ST6GALNAC5: variants seen among roughly 807,000 people sequenced by gnomAD.
ST6GALNAC5 encodes alpha-N-acetylgalactosaminide alpha-2,6-sialyltransferase 5.
Under a neutral mutation model 33.6 loss-of-function variants are expected in ST6GALNAC5, and 27 were observed. The ratio of observed to expected loss-of-function variants is 0.80; its 90% CI spans 0.59 to 1.11. The LOEUF is 1.11. Ranked by LOEUF, ST6GALNAC5 falls within the 50% of genes least tolerant of loss-of-function variation. The pLI is 0.00. For synonymous variants in ST6GALNAC5, 194 were observed against 171.2 expected (o/e 1.13, Z -1.04); for missense variants, 428 against 454.0 (o/e 0.94, Z 0.52).
chr1:76,994,594 C>T, intron 2 of ST6GALNAC5, among the ~76,000 whole-genome samples: 1 of 152,170 alleles, frequency 6.6e-6, no homozygotes, highest in South Asian at 2.1e-4. Flanking sequence ...ACACTTAAAA[C>T]CTCAATTTTG....
intron 2 of ST6GALNAC5, among the ~76,000 whole-genome samples, chr1:77,015,332 A>G (rs1014043503): frequency 6.6e-6 from 1 of 152,162 alleles, no homozygotes; most frequent in Admixed American, 6.5e-5. Context: ...TGTCCTGTTC[A>G]GGCCCTCAAT....
chr1:76,925,271 C>T (rs975742539), intron 2 of ST6GALNAC5, among the ~76,000 whole-genome samples: 1 of 152,046 alleles, frequency 6.6e-6, no homozygotes, highest in African/African-American at 2.4e-5. Context: ...CTGGAGGTCA[C>T]ATTTCAACAT....
In ST6GALNAC5 at chr1:77,063,162, GA is replaced by G. The variant is rs1218194591; in HGVS notation, c.969del (p.Glu323AspfsTer5). 6.2e-7 allele frequency: 1 copy of G among 1,613,630 alleles called. No homozygotes were observed. Among genetic ancestry groups the G allele is most frequent in the African/African-American group, 1.3e-5 (1 of 74,828 alleles). The stretch of plus-strand genomic sequence containing the variant: ...CTTTTTTCAACCAGACTGGAAACCA[GA>G]ATCACTTGCTATAAATCATCCTGAG... ...IHFFQPDWKP[E>X]SLAINHPENK... is the part of the protein sequence containing the mutation. On this transcript the variant is annotated frameshift_variant, in exon 5 of 5. Coordinates refer to ENST00000477717, the MANE Select transcript of ST6GALNAC5 (RefSeq NM_030965.3). LOFTEE classifies it high-confidence loss of function.
intron 2 of ST6GALNAC5, among the ~76,000 whole-genome samples, chr1:76,886,273 C>G (rs1653892741): frequency 6.6e-6 from 1 of 152,156 alleles, no homozygotes; most frequent in Non-Finnish European, 1.5e-5. Context: ...TTTAACCCAA[C>G]TTACTGAATT....
intron 2 of ST6GALNAC5, among the ~76,000 whole-genome samples, chr1:76,888,827 G>C (rs1283316068): frequency 6.6e-6 from 1 of 152,072 alleles, no homozygotes; most frequent in Non-Finnish European, 1.5e-5. Context: ...TGTACAGCAT[G>C]ATGTTTTGGT....
intron 2 of ST6GALNAC5, among the ~76,000 whole-genome samples, chr1:76,942,868 G>T (rs536341539): frequency 6.6e-6 from 1 of 151,998 alleles, no homozygotes; most frequent in Non-Finnish European, 1.5e-5. Flanking sequence ...AACTTGACTC[G>T]ACATCCACAG....
At chr1:76,943,826 T>G (rs1353471038) in intron 2 of ST6GALNAC5, among the ~76,000 whole-genome samples, 1 of 152,148 alleles carries the variant, frequency 6.6e-6, no homozygotes, top group Non-Finnish European at 1.5e-5. Context: ...TTCATACATC[T>G]AATTCATGGA....
At chr1:76,967,043 C>G (rs1224050406) in intron 2 of ST6GALNAC5, among the ~76,000 whole-genome samples, 1 of 152,020 alleles carries the variant, frequency 6.6e-6, no homozygotes, top group Non-Finnish European at 1.5e-5. Context: ...ATCAGCGATA[C>G]TGGTCTAAAA....
chr1:76,882,100 C>T (rs1653794559), intron 2 of ST6GALNAC5, among the ~76,000 whole-genome samples: 1 of 152,136 alleles, frequency 6.6e-6, no homozygotes, highest in African/African-American at 2.4e-5. Flanking sequence ...ATTTAAACAT[C>T]TTATTATTCT....
intron 2 of ST6GALNAC5, among the ~76,000 whole-genome samples, chr1:76,925,242 G>A (rs1244144677): frequency 6.6e-6 from 1 of 152,032 alleles, no homozygotes; most frequent in Non-Finnish European, 1.5e-5. Context: ...ATGCCTCCCA[G>A]CAGGCCTCAC....
At chr1:76,976,870 A>G (rs1057338952) in intron 2 of ST6GALNAC5, among the ~76,000 whole-genome samples, 2 of 151,996 alleles carry the variant, frequency 1.3e-5, no homozygotes, top group African/African-American at 4.8e-5. Context: ...TTATAAATTT[A>G]TCTGATGATT....
chr1:76,952,804 T>A (rs1647804609), intron 2 of ST6GALNAC5, among the ~76,000 whole-genome samples: 1 of 152,096 alleles, frequency 6.6e-6, no homozygotes, highest in Non-Finnish European at 1.5e-5. Flanking sequence ...CCCCCTCGCC[T>A]GCCCCATCAC....
At chr1:77,013,080 T>C (rs1044927673) in intron 2 of ST6GALNAC5, among the ~76,000 whole-genome samples, 2 of 152,150 alleles carry the variant, frequency 1.3e-5, no homozygotes, top group Non-Finnish European at 2.9e-5. Flanking sequence ...GAGCAGTGTG[T>C]GCACAAGAGG....
intron 2 of ST6GALNAC5, among the ~76,000 whole-genome samples, chr1:76,871,672 C>T (rs898447846): frequency 4.6e-5 from 7 of 152,160 alleles, no homozygotes; most frequent in South Asian, 2.1e-4. Context: ...CAGTGATGAG[C>T]GGCATGTGTT....
chr1:76,968,357 G>C (rs1436384905), intron 2 of ST6GALNAC5, among the ~76,000 whole-genome samples: 1 of 152,052 alleles, frequency 6.6e-6, no homozygotes, highest in Non-Finnish European at 1.5e-5. Context: ...TGTCTCTTTT[G>C]ATCTTTGTTG....
At chr1:76,895,129 T>C (rs1045665658) in intron 2 of ST6GALNAC5, among the ~76,000 whole-genome samples, 1 of 152,122 alleles carries the variant, frequency 6.6e-6, no homozygotes, top group Admixed American at 6.5e-5. Flanking sequence ...TGTGGTGGAA[T>C]GTCATCAGTT....
At chr1:76,923,943 T>C (rs988391157) in intron 2 of ST6GALNAC5, among the ~76,000 whole-genome samples, 1 of 152,134 alleles carries the variant, frequency 6.6e-6, no homozygotes, top group African/African-American at 2.4e-5. Flanking sequence ...GCATGCACTT[T>C]CCTGAGCTTT....
At chr1:76,884,694 T>C (rs1436729895) in intron 2 of ST6GALNAC5, among the ~76,000 whole-genome samples, 2 of 152,192 alleles carry the variant, frequency 1.3e-5, no homozygotes, top group African/African-American at 4.8e-5. Flanking sequence ...CATGAAATTT[T>C]GACTGGGTTC....
chr1:76,997,632 A>G (rs1933395), intron 2 of ST6GALNAC5, among the ~76,000 whole-genome samples: 52,178 of 152,108 alleles, frequency 0.34, 10,942 homozygotes, highest in Non-Finnish European at 0.45. Flanking sequence ...ATGTTATACT[A>G]AAGAAATAAA....
Sources: gnomAD v4.1 joint callset for allele counts (sites outside exome capture counted in the v4.1 genomes callset) on GRCh38, gnomAD v4.1.1 for gene constraint, MANE v1.5 for transcripts, NCBI Gene and HGNC (gene_info 2026-07-23, HGNC 2026-07-21) for gene names.